The following ANO4 variants were observed in gnomAD, a reference collection of about 807,000 sequenced individuals.
ANO4 encodes anoctamin 4.
ANO4 carries 69 observed loss-of-function variants against 141.9 expected under a neutral mutation model. The ratio of observed to expected loss-of-function variants is 0.49; its 90% CI spans 0.40 to 0.59. The LOEUF (loss-of-function observed/expected upper bound fraction) is 0.59, where lower values mean the gene tolerates loss of function less well. Ranked by LOEUF, ANO4 falls within the 20% of genes least tolerant of loss-of-function variation. The probability of loss-of-function intolerance (pLI) is 0.00; values close to 1 mark genes in which losing one functional copy is unlikely to be tolerated. For synonymous variants in ANO4, 350 were observed against 394.3 expected (o/e 0.89, Z 1.33); for missense variants, 894 against 1,162.2 (o/e 0.77, Z 3.36).
intron 3 of ANO4, among the ~76,000 whole-genome samples, chr12:100,770,326 A>G (rs1255769273): frequency 1.3e-5 from 2 of 152,258 alleles, no homozygotes; most frequent in African/African-American, 2.4e-5. Flanking sequence ...TAGACAGAAC[A>G]CTGTTTATTC....
rs546739343 is a variant in ANO4 at position 100,913,086 on chromosome 12, A to AT, written c.56-9132dup. On this transcript the variant is annotated intron_variant, in intron 2 of 27. Transcript: ENST00000392977. ...CTATCATTTGCTGAGTAACAACATT[A>AT]TTTTTTTTCTAAAAATATATACCAC... Among the ~76,000 whole-genome samples the AT allele has an allele frequency of 3.5e-3, 535 of 151,880 alleles. 3 individuals are homozygous for AT. Among genetic ancestry groups the AT allele is most frequent in the African/African-American group, 0.012 (516 of 41,448 alleles).
At chr12:100,762,691 TC>T (rs1689819167) in intron 3 of ANO4, among the ~76,000 whole-genome samples, 1 of 152,194 alleles carries the variant, frequency 6.6e-6, no homozygotes, top group South Asian at 2.1e-4. Context: ...CTCAGGCCCT[TC>T]CAGAACCTGC....
intron 14 of ANO4, among the ~76,000 whole-genome samples, chr12:101,060,576 A>G (rs1201188686): frequency 6.6e-6 from 1 of 152,156 alleles, no homozygotes; most frequent in African/African-American, 2.4e-5. Context: ...TATTGGGTGC[A>G]TATATATTTA....
chr12:100,726,880 AC>A (rs2031146417), intron 1 of ANO4, among the ~76,000 whole-genome samples: 1 of 151,988 alleles, frequency 6.6e-6, no homozygotes, highest in Non-Finnish European at 1.5e-5. Context: ...CATTAAAAAA[AC>A]TTTGAAAAAA....
intron 7 of ANO4, among the ~76,000 whole-genome samples, chr12:100,975,339 T>C (rs1197105584): frequency 6.6e-6 from 1 of 152,002 alleles, no homozygotes; most frequent in East Asian, 1.9e-4. Context: ...TTCTATTAGA[T>C]AAATTATCAA....
intron 3 of ANO4, among the ~76,000 whole-genome samples, chr12:100,751,550 AT>A (rs2032379369): frequency 6.6e-6 from 1 of 152,038 alleles, no homozygotes; most frequent in Admixed American, 6.6e-5. Context: ...GATACAACTG[AT>A]TTGTGGTTGT....
At chr12:101,038,126 T>G (rs1232802911) in intron 10 of ANO4, among the ~76,000 whole-genome samples, 2 of 152,226 alleles carry the variant, frequency 1.3e-5, no homozygotes, top group African/African-American at 4.8e-5. Context: ...AGCTGCCATC[T>G]GAAACTCTGT....
At chr12:100,882,937 G>T (rs919754415) in intron 1 of ANO4, among the ~76,000 whole-genome samples, 14 of 152,118 alleles carry the variant, frequency 9.2e-5, no homozygotes, top group Non-Finnish European at 1.8e-4. Flanking sequence ...CTGACCTCAG[G>T]TGATCTGTCC....
At chr12:100,913,758 TAGTC>T (rs1306762675) in intron 2 of ANO4, among the ~76,000 whole-genome samples, 2 of 152,328 alleles carry the variant, frequency 1.3e-5, no homozygotes, top group East Asian at 3.9e-4. Context: ...CCATGGTGGA[TAGTC>T]AGTTAATAGT....
intron 22 of ANO4, among the ~76,000 whole-genome samples, chr12:101,101,569 A>G (rs1323059927): frequency 6.6e-6 from 1 of 151,624 alleles, no homozygotes; most frequent in African/African-American, 2.4e-5. Context: ...CCCCTATACC[A>G]CCATCAATCC....
intron 3 of ANO4, among the ~76,000 whole-genome samples, chr12:100,751,902 T>C (rs1333453663): frequency 6.6e-6 from 1 of 152,156 alleles, no homozygotes; most frequent in African/African-American, 2.4e-5. Context: ...GAGAGAGATC[T>C]CAAGGATGTG....
chr12:100,857,697 T>C (rs1312883196), intron 1 of ANO4, among the ~76,000 whole-genome samples: 1 of 152,162 alleles, frequency 6.6e-6, no homozygotes, highest in African/African-American at 2.4e-5. Context: ...TTGAGTCCTC[T>C]ATATCCGCTG....
At chr12:100,898,531 C>A (rs2040446965) in intron 1 of ANO4, among the ~76,000 whole-genome samples, 2 of 152,158 alleles carry the variant, frequency 1.3e-5, no homozygotes, top group South Asian at 2.1e-4. Context: ...TCATACCTAT[C>A]TTCTCCTGGT....
At chr12:100,939,526 G>C (rs1428336868) in intron 4 of ANO4, 75 bp downstream of exon 4, 3 of 1,502,246 alleles carry the variant, frequency 2.0e-6, no homozygotes, top group Non-Finnish European at 2.7e-6. Flanking sequence ...CCAATGGACT[G>C]TTTAAAGTCA....
intron 7 of ANO4, among the ~76,000 whole-genome samples, chr12:100,976,470 A>G (rs773283450): frequency 4.6e-5 from 7 of 152,242 alleles, no homozygotes; most frequent in Admixed American, 3.3e-4. Flanking sequence ...GTCACACTGT[A>G]ATCATCTGTA....
intron 14 of ANO4, among the ~76,000 whole-genome samples, chr12:101,065,499 T>G (rs2048543416): frequency 6.6e-6 from 1 of 152,158 alleles, no homozygotes; most frequent in African/African-American, 2.4e-5. Flanking sequence ...GCCAATAAAT[T>G]GGAAAATCTA....
chr12:101,087,737 C>T (rs2049564943), intron 17 of ANO4, among the ~76,000 whole-genome samples: 1 of 152,118 alleles, frequency 6.6e-6, no homozygotes, highest in Non-Finnish European at 1.5e-5. Flanking sequence ...CTCATCTTCC[C>T]TCCAGAATCA....
Position 100,925,080 on chromosome 12 carries a change from A to G in ANO4, c.160+2750A>G, listed in dbSNP as rs777502720. The stretch of plus-strand genomic sequence containing the variant: ...TTTTCTATTGCTTTGGAACTAATTT[A>G]TTTTCTTGTTGCAAACAAGTTTTGT... On this transcript the variant is annotated intron_variant, in intron 3 of 27. Transcript: ENST00000392977. Among the ~76,000 whole-genome samples, 81 of 151,972 alleles carry G rather than the reference A, an allele frequency of 5.3e-4. 1 individual carries two copies. Among genetic ancestry groups the G allele is most frequent in the Non-Finnish European group, 3.4e-4 (23 of 67,952 alleles).
At chr12:101,111,436 A>C (rs2050660127) in intron 23 of ANO4, 127 bp from the exon 24 acceptor site, 1 of 849,774 alleles carries the variant, frequency 1.2e-6, no homozygotes, top group Admixed American at 3.5e-5. Flanking sequence ...TCCTGGTTGC[A>C]ACTGTCAGTA....
Sources: gnomAD v4.1 joint callset for allele counts (sites outside exome capture counted in the v4.1 genomes callset) on GRCh38, gnomAD v4.1.1 for gene constraint, MANE v1.5 for transcripts, NCBI Gene and HGNC (gene_info 2026-07-23, HGNC 2026-07-21) for gene names.